The following ANO4 variants were observed in gnomAD, a reference collection of about 807,000 sequenced individuals.
ANO4 encodes the protein anoctamin 4, also known as anoctamin-4.
ANO4 carries 69 observed loss-of-function variants against 141.9 expected under a neutral mutation model. The observed-to-expected ratio is 0.49, with a 90% CI of 0.40 to 0.59. ANO4 has a LOEUF of 0.59. ANO4 is among the 20% of genes least tolerant of loss of function. ANO4 has a pLI of 0.00. For missense variants in ANO4, 894 were observed against 1,162.2 expected, an observed-to-expected ratio of 0.77 and a Z score of 3.36; for synonymous variants, 350 against 394.3, an observed-to-expected ratio of 0.89 and a Z score of 1.33.
chr12:100,766,412 G>T (rs1265552550), intron 3 of ANO4, among the ~76,000 whole-genome samples: 1 of 152,046 alleles, frequency 6.6e-6, no homozygotes, highest in Non-Finnish European at 1.5e-5. Context: ...CTCCTTTGCT[G>T]CATCCTGTGA....
chr12:100,817,354 G>A (rs1452031247), intron 1 of ANO4, among the ~76,000 whole-genome samples: 1 of 151,744 alleles, frequency 6.6e-6, no homozygotes, highest in Non-Finnish European at 1.5e-5. Context: ...TCCCTGCCTA[G>A]GCTTAGCCTA....
intron 1 of ANO4, among the ~76,000 whole-genome samples, chr12:100,862,941 T>A (rs2038561349): frequency 6.6e-6 from 1 of 152,068 alleles, no homozygotes; most frequent in South Asian, 2.1e-4. Context: ...ATTATGTTTG[T>A]GGAAGTAGGG....
intron 5 of ANO4, among the ~76,000 whole-genome samples, chr12:100,965,877 A>G (rs541505564): frequency 2.0e-5 from 3 of 152,040 alleles, no homozygotes; most frequent in Non-Finnish European, 4.4e-5. Context: ...CATCATGCTT[A>G]TTTGTTGTCT....
At chr12:101,024,176 C>T (rs553212253) in intron 9 of ANO4, among the ~76,000 whole-genome samples, 1 of 152,286 alleles carries the variant, frequency 6.6e-6, no homozygotes, top group South Asian at 2.1e-4. Context: ...TACAATAAAT[C>T]TTGAAATTGA....
At chr12:100,878,867 T>A (rs1014962970) in intron 1 of ANO4, among the ~76,000 whole-genome samples, 2 of 152,194 alleles carry the variant, frequency 1.3e-5, no homozygotes, top group Admixed American at 6.5e-5. Flanking sequence ...CAATGATGCA[T>A]GTTCTGATTC....
At chr12:100,852,097 T>C (rs1393327677) in intron 1 of ANO4, among the ~76,000 whole-genome samples, 1 of 152,160 alleles carries the variant, frequency 6.6e-6, no homozygotes, top group Non-Finnish European at 1.5e-5. Context: ...CATGACTTAC[T>C]TTTAAAAAGG....
intron 1 of ANO4, among the ~76,000 whole-genome samples, chr12:100,731,258 G>A (rs1329149262): frequency 1.3e-5 from 2 of 152,104 alleles, no homozygotes; most frequent in Non-Finnish European, 2.9e-5. Flanking sequence ...TTAGACCAGT[G>A]TTGCAACTAT....
intron 14 of ANO4, among the ~76,000 whole-genome samples, chr12:101,051,158 G>A (rs961648954): frequency 6.6e-6 from 1 of 152,144 alleles, no homozygotes; most frequent in African/African-American, 2.4e-5. Flanking sequence ...TACCCTCTTT[G>A]CAAGTTGTGT....
At chr12:100,973,065 A>G (rs776453836) in intron 6 of ANO4, among the ~76,000 whole-genome samples, 1 of 152,264 alleles carries the variant, frequency 6.6e-6, no homozygotes, top group Admixed American at 6.5e-5. Context: ...GAACATGAAC[A>G]ATTATCTTCT....
At chr12:100,757,925 A>G (rs1340702899) in intron 3 of ANO4, among the ~76,000 whole-genome samples, 1 of 152,158 alleles carries the variant, frequency 6.6e-6, no homozygotes, top group Non-Finnish European at 1.5e-5. Context: ...TGCTATGATC[A>G]ATTTGTATGT....
At chr12:100,814,830 T>C (rs747629541) in intron 1 of ANO4, among the ~76,000 whole-genome samples, 1 of 152,110 alleles carries the variant, frequency 6.6e-6, no homozygotes. Flanking sequence ...CTTATTGAAC[T>C]TGACATTATC....
chr12:100,909,160 G>A (rs563354296), intron 2 of ANO4, among the ~76,000 whole-genome samples: 31 of 152,168 alleles, frequency 2.0e-4, no homozygotes, highest in African/African-American at 3.1e-4. Flanking sequence ...AAAAGGAATC[G>A]AGAAATCAAG....
chr12:100,971,196 G>A, intron 5 of ANO4, 110 bp from the exon 6 acceptor site: 2 of 647,046 alleles, frequency 3.1e-6, no homozygotes, highest in Non-Finnish European at 2.6e-6. Flanking sequence ...GGTGAGGAAT[G>A]CCCCAAATCA....
chr12:100,792,454 G>A (rs892460497), upstream of ANO4, among the ~76,000 whole-genome samples: 8 of 152,062 alleles, frequency 5.3e-5, no homozygotes, highest in African/African-American at 1.9e-4. Context: ...CAACACCAGT[G>A]AACAAGACAC....
chr12:100,807,461 T>C (rs2035130126), intron 1 of ANO4, among the ~76,000 whole-genome samples: 1 of 152,222 alleles, frequency 6.6e-6, no homozygotes, highest in African/African-American at 2.4e-5. Context: ...TTGATCTTCC[T>C]ACATGTTTAT....
At chr12:100,925,111 T>G (rs1340452503) in intron 3 of ANO4, among the ~76,000 whole-genome samples, 3 of 152,068 alleles carry the variant, frequency 2.0e-5, no homozygotes, top group Non-Finnish European at 4.4e-5. Context: ...TTTGTGCTAA[T>G]TAGATTTGAG....
chr12:100,755,488 C>T (rs2032565484), intron 3 of ANO4, among the ~76,000 whole-genome samples: 1 of 152,080 alleles, frequency 6.6e-6, no homozygotes, highest in Non-Finnish European at 1.5e-5. Context: ...AATTTGGATC[C>T]CTCTAGCCTT....
At chr12:100,771,167 C>T (rs1229729131) in intron 3 of ANO4, among the ~76,000 whole-genome samples, 1 of 152,232 alleles carries the variant, frequency 6.6e-6, no homozygotes, top group East Asian at 1.9e-4. Flanking sequence ...AACCGACCTG[C>T]TGCAGGCAGG....
intron 3 of ANO4, among the ~76,000 whole-genome samples, chr12:100,929,759 A>T (rs56109935): frequency 0.025 from 3,776 of 152,168 alleles, 66 homozygotes; most frequent in Non-Finnish European, 0.04. Context: ...TCTTCTCCAC[A>T]TCCTTGCCAG....
Sources: allele counts gnomAD v4.1 joint callset (sites outside exome capture counted in the v4.1 genomes callset), GRCh38; gene constraint gnomAD v4.1.1; transcripts MANE v1.5; gene names NCBI Gene and HGNC (gene_info 2026-07-23, HGNC 2026-07-21).